ANKRD44: variants seen among roughly 807,000 people sequenced by gnomAD.
ANKRD44 encodes the protein serine/threonine-protein phosphatase 6 regulatory ankyrin repeat subunit B.
ANKRD44 carries 35 observed loss-of-function variants against 116.0 expected under a neutral mutation model. That is an observed-to-expected ratio of 0.30 (90% CI 0.23 to 0.40). The LOEUF (loss-of-function observed/expected upper bound fraction) is 0.40. Ranked by LOEUF, ANKRD44 falls within the 10% of genes least tolerant of loss-of-function variation. ANKRD44 has a pLI of 1.00. For synonymous variants in ANKRD44, 435 were observed against 461.8 expected, an observed-to-expected ratio of 0.94 and a Z score of 0.74; for missense variants, 1,014 against 1,242.6, an observed-to-expected ratio of 0.82 and a Z score of 2.77.
intron 16 of ANKRD44, among the ~76,000 whole-genome samples, chr2:197,045,980 T>C (rs1426829896): frequency 2.6e-5 from 4 of 152,234 alleles, no homozygotes; most frequent in Non-Finnish European, 5.9e-5. Flanking sequence ...CATTTCAGTA[T>C]GTACTCTACT....
At chr2:197,287,466 T>C (rs2083438484) in intron 1 of ANKRD44, among the ~76,000 whole-genome samples, 1 of 152,108 alleles carries the variant, frequency 6.6e-6, no homozygotes, top group Admixed American at 6.5e-5. Context: ...TTTCTGTTTG[T>C]TCTAGAGATG....
chr2:197,270,662 A>T (rs1276280635), intron 1 of ANKRD44, among the ~76,000 whole-genome samples: 1 of 152,214 alleles, frequency 6.6e-6, no homozygotes, highest in Non-Finnish European at 1.5e-5. Flanking sequence ...GCCATTTCCC[A>T]AGGGCCTCCA....
chr2:197,263,472 C>G, intron 1 of ANKRD44: 1 of 429,022 alleles, frequency 2.3e-6, no homozygotes, highest in Non-Finnish European at 4.4e-6. Flanking sequence ...TAGGCTTTAC[C>G]CTCTAGGAAA....
intron 16 of ANKRD44, among the ~76,000 whole-genome samples, chr2:197,063,615 G>C (rs2125064050): frequency 6.6e-6 from 1 of 152,302 alleles, no homozygotes; most frequent in African/African-American, 2.4e-5. Context: ...TAAATGACCT[G>C]ATGGAGCTGA....
chr2:197,143,635 A>G (rs903875097), intron 3 of ANKRD44, among the ~76,000 whole-genome samples: 1 of 151,758 alleles, frequency 6.6e-6, no homozygotes, highest in Admixed American at 6.6e-5. Flanking sequence ...AGTCTTTGCT[A>G]TTGTGAATAG....
At position 197,129,021 on chromosome 2, in the gene ANKRD44, TAA is replaced by T. The variant is rs371209683; in HGVS notation, c.262-2986_262-2985del. Among the ~76,000 whole-genome samples the T allele has an allele frequency of 6.0e-3, 907 of 152,240 alleles. 10 individuals are homozygous for T. Among genetic ancestry groups the T allele is most frequent in the African/African-American group, 0.021 (866 of 41,554 alleles). ...TGGGCATGAAATTATCAAATTGCCC[TAA>T]AAGTTTCTGACCACCTACTCTTTTC... On this transcript the variant is annotated intron_variant, in intron 4 of 27. Coordinates refer to ENST00000282272, the MANE Select transcript of ANKRD44 (RefSeq NM_001195144.2).
In ANKRD44 at chr2:197,019,219, C is replaced by A. The variant is rs577382129; in HGVS notation, c.1723-5507G>T. ...GAGAAGGTACACTTCTGGGACTAAC[C>A]TTTAGACTCTTGCTCTTCTACTACA... On this transcript the variant is annotated intron_variant, in intron 17 of 27. Transcript: ENST00000282272. 2.0e-5 allele frequency among the ~76,000 whole-genome samples: 3 copies of A among 152,316 alleles called. No homozygotes were observed. The South Asian group carries it at 6.2e-4, about 32-fold the overall frequency.
At chr2:196,992,344 C>T (rs1209980518) in intron 27 of ANKRD44, among the ~76,000 whole-genome samples, 2 of 152,142 alleles carry the variant, frequency 1.3e-5, no homozygotes, top group African/African-American at 2.4e-5. Context: ...CATTCCATTT[C>T]ACGAAAGTCA....
At chr2:197,189,083 T>A (rs1026466243) in intron 1 of ANKRD44, among the ~76,000 whole-genome samples, 2 of 152,176 alleles carry the variant, frequency 1.3e-5, no homozygotes, top group Non-Finnish European at 2.9e-5. Context: ...CTTTTTATCC[T>A]CCTGTTGGCT....
chr2:197,263,314 C>T (rs891046298), intron 1 of ANKRD44: 6 of 661,646 alleles, frequency 9.1e-6, no homozygotes, highest in South Asian at 3.0e-5. Context: ...CAAGGGACAT[C>T]GACACAACAG....
At chr2:197,063,388 C>T (rs982976511) in intron 16 of ANKRD44, among the ~76,000 whole-genome samples, 3 of 152,198 alleles carry the variant, frequency 2.0e-5, no homozygotes, top group African/African-American at 7.2e-5. Context: ...TTCTAAAAAT[C>T]AGAGCGTCTC....
Position 197,099,560 on chromosome 2 carries a change from G to A in ANKRD44, c.1100+256C>T, listed in dbSNP as rs968651447. The A allele has an allele frequency of 1.4e-5, 16 of 1,178,518 alleles. No individual in the cohort carries two copies. The Admixed American group carries it at 1.7e-4, about 13-fold the overall frequency. 73.0% of individuals were successfully genotyped at this position (1,178,518 alleles called of 1,614,324 possible). A position where few individuals can be genotyped will look rare whatever the true frequency, so the allele number is the denominator to read the frequency against. On this transcript the variant is annotated intron_variant, in intron 10 of 27. Transcript: ENST00000282272. ...GAAGAATATTAGAAAGAAAAGTTAC[G>A]AATAAAGTTCAAGTTTCCTTAATTA... is the stretch of plus-strand genomic sequence containing the variant.
chr2:196,988,373 T>G lies in ANKRD44; in HGVS notation c.*1218A>C. The G allele has an allele frequency of 2.0e-6, 2 of 985,420 alleles. No homozygotes were observed. The highest frequency in any genetic ancestry group is 2.4e-6 in the Non-Finnish European group (2 of 829,932). The allele number at this position is 985,420 out of a possible 1,614,324, so 61.0% of individuals were successfully genotyped here. On this transcript the variant is annotated 3_prime_UTR_variant, in exon 28 of 28. Coordinates refer to ENST00000282272, the MANE Select transcript of ANKRD44 (RefSeq NM_001195144.2). ...AGCAATTTATCTGCTTTTTAAAAAT[T>G]CATCTTCTCTAAACAAACGAAAAGG... is the stretch of plus-strand genomic sequence containing the variant.
At position 197,162,049 on chromosome 2, in the gene ANKRD44, G is replaced by C. The variant is rs139176090; in HGVS notation, c.112-14944C>G. Among the ~76,000 whole-genome samples the C allele has an allele frequency of 4.5e-4, 68 of 152,160 alleles. 1 individual carries two copies. Among genetic ancestry groups the C allele is most frequent in the African/African-American group, 1.4e-3 (59 of 41,510 alleles). ...TCTTTCCACCAGCCCCTAGTCACTG[G>C]CGTGCTTCATACTCAGTCTTGAAAT... On this transcript the variant is annotated intron_variant, in intron 2 of 27. Coordinates refer to ENST00000282272, the MANE Select transcript of ANKRD44 (RefSeq NM_001195144.2).
chr2:197,206,460 G>A (rs2081208573), intron 1 of ANKRD44, among the ~76,000 whole-genome samples: 1 of 152,138 alleles, frequency 6.6e-6, no homozygotes, highest in African/African-American at 2.4e-5. Flanking sequence ...GAGGTGGGCG[G>A]ATCACCTGAG....
chr2:197,065,114 TA>T (rs1559033838), intron 16 of ANKRD44, among the ~76,000 whole-genome samples: 1 of 152,170 alleles, frequency 6.6e-6, no homozygotes, highest in East Asian at 1.9e-4. Context: ...TCTCAGACCA[TA>T]ATGCAATCAA....
intron 9 of ANKRD44, among the ~76,000 whole-genome samples, chr2:197,102,597 CT>C (rs1189685841): frequency 1.3e-5 from 2 of 152,026 alleles, no homozygotes; most frequent in Non-Finnish European, 2.9e-5. Context: ...ATTTGTTTAT[CT>C]TTTTCTGTAA....
intron 16 of ANKRD44, among the ~76,000 whole-genome samples, chr2:197,028,140 A>G (rs2076633658): frequency 6.6e-6 from 1 of 152,224 alleles, no homozygotes; most frequent in Non-Finnish European, 1.5e-5. Context: ...AATAATAACT[A>G]GCAATAGTAT....
chr2:197,263,307 G>A lies in ANKRD44; in HGVS notation c.27+47271C>T, dbSNP rs561018847. 1.2e-3 allele frequency: 773 copies of A among 666,560 alleles called. 12 individuals are homozygous for A. Among genetic ancestry groups the A allele is most frequent in the Middle Eastern group, 2.7e-3 (9 of 3,312 alleles). 41.3% of individuals were successfully genotyped at this position (666,560 alleles called of 1,614,324 possible). A position where few individuals can be genotyped will look rare whatever the true frequency, so the allele number is the denominator to read the frequency against. ...AGCTTGGAAAGCAGCGCCATTTCAAGGGACATCGACACAACAGCCAAGTTC... is the reference window on the plus strand; with the variant it reads ...AGCTTGGAAAGCAGCGCCATTTCAAAGGACATCGACACAACAGCCAAGTTC... On this transcript the variant is annotated intron_variant, in intron 1 of 27. Coordinates refer to ENST00000282272, the MANE Select transcript of ANKRD44 (RefSeq NM_001195144.2).
Sources: allele counts gnomAD v4.1 joint callset (sites outside exome capture counted in the v4.1 genomes callset), GRCh38; gene constraint gnomAD v4.1.1; transcripts MANE v1.5; gene names NCBI Gene and HGNC (gene_info 2026-07-23, HGNC 2026-07-21).